The following TTC29 variants were observed in gnomAD, a reference collection of about 807,000 sequenced individuals.
TTC29 encodes tetratricopeptide repeat protein 29.
TTC29 carries 49 observed loss-of-function variants against 58.1 expected under a neutral mutation model. The ratio of observed to expected loss-of-function variants is 0.84; its 90% CI spans 0.67 to 1.07. TTC29 has a LOEUF of 1.07. TTC29 is among the 50% of genes least tolerant of loss of function. The probability of loss-of-function intolerance (pLI) is 0.00; values close to 1 mark genes in which losing one functional copy is unlikely to be tolerated. For synonymous variants in TTC29, 209 were observed against 196.8 expected, an observed-to-expected ratio of 1.06 and a Z score of -0.52; for missense variants, 582 against 555.6, an observed-to-expected ratio of 1.05 and a Z score of -0.48.
intron 8 of TTC29, among the ~76,000 whole-genome samples, chr4:146,849,528 C>T (rs1021467282): frequency 1.3e-5 from 2 of 152,132 alleles, no homozygotes; most frequent in African/African-American, 2.4e-5. Flanking sequence ...AGATGTCAAC[C>T]TCATGCTTGT....
chr4:146,734,499 G>T (rs980362719), intron 11 of TTC29, among the ~76,000 whole-genome samples: 13 of 152,142 alleles, frequency 8.5e-5, no homozygotes, highest in Non-Finnish European at 7.3e-5. Flanking sequence ...GGAGTCAGGG[G>T]AACCCCAACT....
intron 11 of TTC29, among the ~76,000 whole-genome samples, chr4:146,756,241 A>G (rs1746438740): frequency 6.7e-6 from 1 of 148,894 alleles, no homozygotes; most frequent in South Asian, 2.1e-4. Flanking sequence ...ACTGCACTCC[A>G]GTCTGGGTGA....
intron 9 of TTC29, 40 bp from the exon 10 acceptor site, chr4:146,820,288 C>T: frequency 2.5e-6 from 4 of 1,588,644 alleles, no homozygotes; most frequent in Non-Finnish European, 3.4e-6. Flanking sequence ...AGTATCATCT[C>T]ACTTAATGTC....
At chr4:146,932,181 T>TA (rs945318619) in intron 4 of TTC29, among the ~76,000 whole-genome samples, 5 of 152,192 alleles carry the variant, frequency 3.3e-5, no homozygotes, top group South Asian at 4.1e-4. Flanking sequence ...CGCTTATTTT[T>TA]AAAAAAATTC....
intron 11 of TTC29, among the ~76,000 whole-genome samples, chr4:146,749,322 A>G (rs138790147): frequency 4.3e-4 from 65 of 152,218 alleles, no homozygotes; most frequent in Admixed American, 3.5e-3. Flanking sequence ...AAACAAACTA[A>G]AAAGATATAA....
intron 11 of TTC29, among the ~76,000 whole-genome samples, chr4:146,709,315 G>A (rs973451893): frequency 5.3e-5 from 8 of 151,928 alleles, no homozygotes; most frequent in African/African-American, 1.9e-4. Context: ...GCCTCCTTTT[G>A]TATTTCCAGA....
At chr4:146,943,663 G>C (rs1736646580) in intron 2 of TTC29, among the ~76,000 whole-genome samples, 1 of 152,194 alleles carries the variant, frequency 6.6e-6, no homozygotes, top group Non-Finnish European at 1.5e-5. Flanking sequence ...TTATGACAGA[G>C]TTAATATTTT....
intron 6 of TTC29, among the ~76,000 whole-genome samples, chr4:146,895,128 A>G (rs138692658): frequency 6.6e-6 from 1 of 152,244 alleles, no homozygotes; most frequent in Non-Finnish European, 1.5e-5. Context: ...TTCCAACTCT[A>G]TCTATGTCCC....
chr4:146,807,962 C>G (rs1750730133), intron 10 of TTC29, among the ~76,000 whole-genome samples: 1 of 152,150 alleles, frequency 6.6e-6, no homozygotes, highest in East Asian at 1.9e-4. Context: ...GCCAATATCC[C>G]TGATGAACAT....
chr4:146,814,170 A>G (rs1007188297), intron 10 of TTC29, among the ~76,000 whole-genome samples: 1 of 152,234 alleles, frequency 6.6e-6, no homozygotes, highest in Non-Finnish European at 1.5e-5. Context: ...CGAGGCAGAT[A>G]TAGTTTCCGC....
intron 11 of TTC29, among the ~76,000 whole-genome samples, chr4:146,785,897 A>G (rs1234777865): frequency 1.3e-5 from 2 of 152,146 alleles, no homozygotes; most frequent in Non-Finnish European, 2.9e-5. Flanking sequence ...AGGTCACTAA[A>G]TTAGTGATAA....
At chr4:146,707,383 G>T in intron 12 of TTC29, 102 bp downstream of exon 12, 1 of 860,256 alleles carries the variant, frequency 1.2e-6, no homozygotes, top group Non-Finnish European at 1.8e-6. Context: ...GTTATCAAGT[G>T]CTGGATGAAG....
chr4:146,813,816 T>A (rs1190567311), intron 10 of TTC29, among the ~76,000 whole-genome samples: 2 of 152,144 alleles, frequency 1.3e-5, no homozygotes, highest in Non-Finnish European at 2.9e-5. Flanking sequence ...AAACCCCGTC[T>A]CTATGAAAAA....
intron 11 of TTC29, among the ~76,000 whole-genome samples, chr4:146,746,417 A>G (rs1243119697): frequency 2.6e-5 from 4 of 152,192 alleles, no homozygotes; most frequent in Admixed American, 1.3e-4. Context: ...CCAGGTCAAC[A>G]TTATGATGTT....
chr4:146,710,025 C>T (rs2149989080), intron 11 of TTC29, among the ~76,000 whole-genome samples: 1 of 152,240 alleles, frequency 6.6e-6, no homozygotes, highest in South Asian at 2.1e-4. Context: ...ATTAGATCTT[C>T]CCTATCAGTA....
intron 11 of TTC29, among the ~76,000 whole-genome samples, chr4:146,795,289 C>T (rs987410647): frequency 3.3e-5 from 5 of 152,066 alleles, no homozygotes; most frequent in Non-Finnish European, 5.9e-5. Context: ...AAGATGAAAA[C>T]ACTGGTCAGG....
At chr4:146,707,577 T>C (rs1008812914) in intron 11 of TTC29, 26 bp from the exon 12 acceptor site, 6 of 1,490,642 alleles carry the variant, frequency 4.0e-6, no homozygotes, top group South Asian at 1.2e-5. Context: ...ACAAAGTTAA[T>C]AGATTATCAT....
chr4:146,845,966 G>A (rs1729142679), intron 8 of TTC29, among the ~76,000 whole-genome samples: 1 of 152,080 alleles, frequency 6.6e-6, no homozygotes, highest in South Asian at 2.1e-4. Context: ...TCTCCATTGT[G>A]CCTCTAGCTC....
chr4:146,797,839 T>TATAC (rs1302871910), intron 11 of TTC29, among the ~76,000 whole-genome samples: 1 of 129,896 alleles, frequency 7.7e-6, no homozygotes, highest in African/African-American at 4.0e-5. Flanking sequence ...GTTTTATATA[T>TATAC]ATATATATAT....
Sources: allele counts gnomAD v4.1 joint callset (sites outside exome capture counted in the v4.1 genomes callset), GRCh38; gene constraint gnomAD v4.1.1; transcripts MANE v1.5; gene names NCBI Gene and HGNC (gene_info 2026-07-23, HGNC 2026-07-21).